NAV3: variants seen among roughly 807,000 people sequenced by gnomAD.
NAV3 encodes neuron navigator 3.
In NAV3, 87 loss-of-function variants were observed where a neutral mutation model predicts 244.7. The observed-to-expected ratio is 0.36, with a 90% CI of 0.30 to 0.42. The LOEUF is 0.42. Among genes scored for constraint, NAV3 ranks in the 20% least tolerant of loss-of-function variants. The probability of loss-of-function intolerance (pLI) is 1.00; values close to 1 mark genes in which losing one functional copy is unlikely to be tolerated. For synonymous variants in NAV3, 1,126 were observed against 1,042.2 expected (o/e 1.08, Z -1.55); for missense variants, 2,663 against 2,893.3 (o/e 0.92, Z 1.83).
chr12:77,586,040 T>A (rs1869594593), intron 2 of NAV3, among the ~76,000 whole-genome samples: 1 of 151,992 alleles, frequency 6.6e-6, no homozygotes, highest in South Asian at 2.1e-4. Flanking sequence ...CGGGTGCCTG[T>A]AGTCCCAGGT....
chr12:77,693,948 A>G (rs1182273065), intron 2 of NAV3, among the ~76,000 whole-genome samples: 1 of 152,136 alleles, frequency 6.6e-6, no homozygotes, highest in Non-Finnish European at 1.5e-5. Flanking sequence ...TAAAATAAAT[A>G]CTTATGATCT....
At chr12:78,124,449 ATG>A in intron 16 of NAV3, among the ~76,000 whole-genome samples, 1 of 151,612 alleles carries the variant, frequency 6.6e-6, no homozygotes, top group African/African-American at 2.4e-5. Flanking sequence ...ATGTTATGTT[ATG>A]TTATGTTATT....
chr12:77,716,656 A>G (rs1272818227), intron 2 of NAV3, among the ~76,000 whole-genome samples: 2 of 152,040 alleles, frequency 1.3e-5, no homozygotes, highest in Non-Finnish European at 2.9e-5. Flanking sequence ...AATAACTCAG[A>G]TTACAAATGA....
At chr12:77,653,833 C>T (rs568529321) in intron 2 of NAV3, among the ~76,000 whole-genome samples, 68 of 152,190 alleles carry the variant, frequency 4.5e-4, no homozygotes, top group African/African-American at 1.6e-3. Flanking sequence ...TGTACACATA[C>T]ACACATATTT....
At chr12:78,148,453 A>G (rs1436686646) in intron 21 of NAV3, among the ~76,000 whole-genome samples, 1 of 152,158 alleles carries the variant, frequency 6.6e-6, no homozygotes, top group Non-Finnish European at 1.5e-5. Flanking sequence ...ATCTTTTACT[A>G]AAAAAGAACA....
chr12:78,111,574 T>C (rs1391854921), intron 12 of NAV3, among the ~76,000 whole-genome samples: 1 of 152,160 alleles, frequency 6.6e-6, no homozygotes, highest in African/African-American at 2.4e-5. Context: ...TACTACTAGA[T>C]AGGCTTTTAC....
chr12:77,983,169 T>C (rs1400391809), intron 5 of NAV3, among the ~76,000 whole-genome samples: 1 of 152,138 alleles, frequency 6.6e-6, no homozygotes, highest in African/African-American at 2.4e-5. Flanking sequence ...CTTTGAGAAA[T>C]TTTTACCAGA....
chr12:77,639,980 G>A (rs1348389290), intron 2 of NAV3, among the ~76,000 whole-genome samples: 1 of 152,148 alleles, frequency 6.6e-6, no homozygotes, highest in Non-Finnish European at 1.5e-5. Context: ...TCTCCATGGT[G>A]TAGGGAATGA....
intron 1 of NAV3, among the ~76,000 whole-genome samples, chr12:77,939,678 A>G: frequency 6.6e-6 from 1 of 152,108 alleles, no homozygotes; most frequent in East Asian, 1.9e-4. Context: ...TCAAATTGTC[A>G]ATTTTGTGCC....
chr12:78,015,269 T>C (rs1050659142), intron 8 of NAV3, among the ~76,000 whole-genome samples: 1 of 152,118 alleles, frequency 6.6e-6, no homozygotes, highest in Admixed American at 6.6e-5. Flanking sequence ...AGAGAACTTA[T>C]TCATATTTCA....
intron 1 of NAV3, among the ~76,000 whole-genome samples, chr12:77,860,540 T>G (rs1448587012): frequency 6.6e-6 from 1 of 151,814 alleles, no homozygotes; most frequent in Non-Finnish European, 1.5e-5. Flanking sequence ...TTTTCATATT[T>G]GATTTAGAAA....
intron 1 of NAV3, among the ~76,000 whole-genome samples, chr12:77,933,202 A>T (rs1424440219): frequency 6.6e-6 from 1 of 152,210 alleles, no homozygotes; most frequent in African/African-American, 2.4e-5. Context: ...ATTTTAAAGC[A>T]ATCACTATCT....
At chr12:77,906,170 GAGA>G (rs1885950132) in intron 1 of NAV3, among the ~76,000 whole-genome samples, 1 of 152,102 alleles carries the variant, frequency 6.6e-6, no homozygotes, top group Non-Finnish European at 1.5e-5. Context: ...TGTACAATGA[GAGA>G]AGAATAAAGC....
intron 2 of NAV3, among the ~76,000 whole-genome samples, chr12:77,669,623 A>G (rs79621764): frequency 0.026 from 3,896 of 152,266 alleles, 125 homozygotes; most frequent in Middle Eastern, 0.037. Flanking sequence ...TTTTATAATG[A>G]TAAAAGACTA....
chr12:77,575,348 AGG>A (rs1303955005), intron 2 of NAV3, among the ~76,000 whole-genome samples: 1 of 152,148 alleles, frequency 6.6e-6, no homozygotes, highest in African/African-American at 2.4e-5. Flanking sequence ...GGATTAGTGT[AGG>A]ACTGGGTGAA....
At chr12:77,767,810 A>C (rs1483835640) in intron 2 of NAV3, among the ~76,000 whole-genome samples, 3 of 152,054 alleles carry the variant, frequency 2.0e-5, no homozygotes, top group East Asian at 3.9e-4. Flanking sequence ...AAGGGCTGCA[A>C]CTCTTTTTTC....
intron 18 of NAV3, among the ~76,000 whole-genome samples, chr12:78,131,700 C>A (rs1956173619): frequency 6.6e-6 from 1 of 152,128 alleles, no homozygotes; most frequent in Non-Finnish European, 1.5e-5. Context: ...CTATGTCTGA[C>A]ATTGGTGAAG....
chr12:78,048,325 A>G (rs921836107), intron 9 of NAV3, among the ~76,000 whole-genome samples: 1 of 151,534 alleles, frequency 6.6e-6, no homozygotes, highest in East Asian at 1.9e-4. Context: ...GCCTTTTTGC[A>G]CTGTTTTTTT....
At chr12:78,160,710 A>G (rs1300744492) in intron 23 of NAV3, among the ~76,000 whole-genome samples, 2 of 152,094 alleles carry the variant, frequency 1.3e-5, no homozygotes, top group African/African-American at 4.8e-5. Flanking sequence ...ATAATTGCCA[A>G]GTATTATTAG....
Sources: allele counts gnomAD v4.1 joint callset (sites outside exome capture counted in the v4.1 genomes callset), GRCh38; gene constraint gnomAD v4.1.1; transcripts MANE v1.5; gene names NCBI Gene and HGNC (gene_info 2026-07-23, HGNC 2026-07-21).